The following UBE4B variants were observed in gnomAD, a reference collection of about 807,000 sequenced individuals.
The protein encoded by UBE4B is ubiquitination factor E4B.
In UBE4B, 27 loss-of-function variants were observed where a neutral mutation model predicts 148.1. The observed-to-expected ratio is 0.18, with a 90% CI of 0.13 to 0.25. The LOEUF (loss-of-function observed/expected upper bound fraction) is 0.25. Ranked by LOEUF, UBE4B falls within the 10% of genes least tolerant of loss-of-function variation. UBE4B has a pLI of 1.00. For synonymous variants in UBE4B, 596 were observed against 619.3 expected (o/e 0.96, Z 0.56); for missense variants, 1,170 against 1,662.4 (o/e 0.70, Z 5.15).
rs144415598 is a variant in UBE4B at position 10,063,727 on chromosome 1, G to T, written c.25-8301G>T. 9.3e-3 allele frequency among the ~76,000 whole-genome samples: 1,408 copies of T among 152,140 alleles called. 28 individuals carry two copies. Among genetic ancestry groups the T allele is most frequent in the African/African-American group, 0.032 (1,340 of 41,486 alleles). ...GTTTGAGACCAGCCTGGCCAACATG[G>T]TGAAACCCCGTCTCTACTAAAAATA... On this transcript the variant is annotated intron_variant, in intron 1 of 27. Coordinates refer to ENST00000343090, the MANE Select transcript of UBE4B (RefSeq NM_001105562.3).
At chr1:10,065,864 A>G (rs889185491) in intron 1 of UBE4B, among the ~76,000 whole-genome samples, 1 of 152,204 alleles carries the variant, frequency 6.6e-6, no homozygotes, top group African/African-American at 2.4e-5. Flanking sequence ...ATGTAAATCT[A>G]CATCCTTTTA....
intron 2 of UBE4B, among the ~76,000 whole-genome samples, chr1:10,082,369 T>TGC (rs756860057): frequency 9.2e-5 from 14 of 151,934 alleles, no homozygotes; most frequent in Non-Finnish European, 1.6e-4. Flanking sequence ...GGCATGGTAG[T>TGC]GCGCACCTGT....
At chr1:10,130,694 A>AT (rs1645579064) in intron 13 of UBE4B, 21 bp from the exon 14 acceptor site, 3 of 1,613,374 alleles carry the variant, frequency 1.9e-6, no homozygotes, top group Admixed American at 1.7e-5. Context: ...TGTTGACTGC[A>AT]TTTTTTCCTT....
chr1:10,109,284 T>G (rs1645176128), intron 7 of UBE4B, among the ~76,000 whole-genome samples: 1 of 152,188 alleles, frequency 6.6e-6, no homozygotes, highest in Non-Finnish European at 1.5e-5. Flanking sequence ...TCCAGACTCA[T>G]GTTCACCACC....
intron 7 of UBE4B, among the ~76,000 whole-genome samples, chr1:10,109,760 C>T (rs1645187893): frequency 1.3e-5 from 2 of 151,948 alleles, no homozygotes; most frequent in Non-Finnish European, 2.9e-5. Context: ...AAGCAATTCT[C>T]GTGCCTCAGC....
At chr1:10,103,995 C>T (rs1262310613) in intron 5 of UBE4B, among the ~76,000 whole-genome samples, 2 of 151,850 alleles carry the variant, frequency 1.3e-5, no homozygotes, top group East Asian at 1.9e-4. Flanking sequence ...CTCTTGACCT[C>T]GTGATCTGCC....
rs1458303610 is a variant in UBE4B at position 10,168,378 on chromosome 1, C to T, written c.3333+108C>T. The T allele has an allele frequency of 6.9e-7, 1 of 1,453,378 alleles. No homozygotes were observed. Among genetic ancestry groups the T allele is most frequent in the Non-Finnish European group, 9.2e-7 (1 of 1,086,944 alleles). 90.0% of individuals were successfully genotyped at this position (1,453,378 alleles called of 1,614,324 possible). A position where few individuals can be genotyped will look rare whatever the true frequency, so the allele number is the denominator to read the frequency against. ...GTTCTGGAAATTTTAGGATCACAGT[C>T]ATCAATAAGTGAAATTCTGTGACTG... On this transcript the variant is annotated intron_variant, in intron 24 of 27. Transcript: ENST00000343090. The surrounding 1 kb of genome is among the most constrained non-coding windows in gnomAD (Gnocchi z 4.9).
chr1:10,150,877 A>C (rs552893875), intron 20 of UBE4B, among the ~76,000 whole-genome samples: 1,317 of 131,414 alleles, frequency 0.01, 30 homozygotes, highest in African/African-American at 0.034. Flanking sequence ...AAAAAAAAAA[A>C]TAGGCTGGGC....
At chr1:10,051,080 C>T (rs1644031349) in intron 1 of UBE4B, among the ~76,000 whole-genome samples, 1 of 152,126 alleles carries the variant, frequency 6.6e-6, no homozygotes, top group African/African-American at 2.4e-5. Context: ...TATCATAGCT[C>T]ACTGCAGCCT....
chr1:10,089,270 G>T (rs1644811112), intron 2 of UBE4B, among the ~76,000 whole-genome samples: 1 of 152,172 alleles, frequency 6.6e-6, no homozygotes, highest in Non-Finnish European at 1.5e-5. Context: ...CTCCCAAAGT[G>T]CTGGGACTAC....
At chr1:10,070,101 G>A (rs976430791) in intron 1 of UBE4B, among the ~76,000 whole-genome samples, 1 of 151,658 alleles carries the variant, frequency 6.6e-6, no homozygotes, top group South Asian at 2.1e-4. Context: ...ATGGTGAGAT[G>A]CCATGTCTAC....
At chr1:10,046,626 G>A (rs114142295) in intron 1 of UBE4B, among the ~76,000 whole-genome samples, 3,937 of 152,226 alleles carry the variant, frequency 0.026, 82 homozygotes, top group Admixed American at 0.043. Context: ...TCTCTTGAAG[G>A]AGCTCCCTTG....
chr1:10,085,533 C>G (rs1420228088), intron 2 of UBE4B, among the ~76,000 whole-genome samples: 2 of 152,140 alleles, frequency 1.3e-5, no homozygotes, highest in African/African-American at 2.4e-5. Flanking sequence ...AGATTTGTCA[C>G]TGTTTTGATA....
chr1:10,138,542 CT>C (rs2101961265), intron 17 of UBE4B, among the ~76,000 whole-genome samples: 1 of 152,244 alleles, frequency 6.6e-6, no homozygotes, highest in East Asian at 1.9e-4. Flanking sequence ...CCTAAAATCA[CT>C]TACTAATTCT....
chr1:10,173,152 G>A (rs1646362183), intron 25 of UBE4B, among the ~76,000 whole-genome samples: 1 of 152,146 alleles, frequency 6.6e-6, no homozygotes, highest in South Asian at 2.1e-4. Context: ...TCGTAAGAGG[G>A]TTAGGAAATT....
chr1:10,071,979 G>A, intron 1 of UBE4B, 49 bp from the exon 2 acceptor site: 2 of 1,491,830 alleles, frequency 1.3e-6, no homozygotes, highest in Non-Finnish European at 1.8e-6. Context: ...TGGCAGAATT[G>A]TGTTTCTGCT....
intron 23 of UBE4B, among the ~76,000 whole-genome samples, chr1:10,162,304 G>C (rs1438564018): frequency 6.6e-6 from 1 of 152,114 alleles, no homozygotes; most frequent in African/African-American, 2.4e-5. Flanking sequence ...CTCCCAAGTA[G>C]TTGGGACTAC....
At chr1:10,129,628 T>A (rs1348520501) in intron 12 of UBE4B, among the ~76,000 whole-genome samples, 180 bp downstream of exon 12, 1 of 152,160 alleles carries the variant, frequency 6.6e-6, no homozygotes, top group African/African-American at 2.4e-5. Flanking sequence ...TATCCTGCAT[T>A]ACAGTTGTTC....
chr1:10,095,667 C>G, intron 3 of UBE4B, 71 bp downstream of exon 3: 1 of 1,587,160 alleles, frequency 6.3e-7, no homozygotes, highest in Non-Finnish European at 8.6e-7. Flanking sequence ...ACTTTAGCCT[C>G]TAGTCCATAG....
Sources: gnomAD v4.1 joint callset for allele counts (sites outside exome capture counted in the v4.1 genomes callset) on GRCh38, gnomAD v4.1.1 for gene constraint, Gnocchi (gnomAD v3.1) non-coding constraint, MANE v1.5 for transcripts, NCBI Gene and HGNC (gene_info 2026-07-23, HGNC 2026-07-21) for gene names.